The following TET1 variants were observed in gnomAD, a reference collection of about 807,000 sequenced individuals.
The protein encoded by TET1 is tet methylcytosine dioxygenase 1, also known as methylcytosine dioxygenase TET1.
A neutral mutation model predicts 148.7 loss-of-function variants in TET1; 13 were observed. The observed-to-expected ratio is 0.09, with a 90% CI of 0.06 to 0.14. The LOEUF (loss-of-function observed/expected upper bound fraction) is 0.14. TET1 is among the 10% of genes least tolerant of loss of function. The pLI is 1.00. For synonymous variants in TET1, 907 were observed against 937.2 expected (o/e 0.97, Z 0.59); for missense variants, 2,182 against 2,553.8 (o/e 0.85, Z 3.14).
chr10:68,681,103 A>G (rs2055429783), intron 8 of TET1, among the ~76,000 whole-genome samples: 1 of 152,268 alleles, frequency 6.6e-6, no homozygotes. Flanking sequence ...TATTGAATAA[A>G]TATAAAACAT....
chr10:68,639,445 TTACTACTAC>T (rs139770615), intron 3 of TET1, among the ~76,000 whole-genome samples: 255 of 132,104 alleles, frequency 1.9e-3, no homozygotes, highest in Middle Eastern at 7.6e-3. Context: ...ACTATTATTA[TTACTACTAC>T]TACTACTACT....
chr10:68,644,616 T>G, intron 3 of TET1, 82 bp from the exon 4 acceptor site: 1 of 1,356,958 alleles, frequency 7.4e-7, no homozygotes, highest in Non-Finnish European at 9.9e-7. Flanking sequence ...GCTTTACATT[T>G]AGTTGTTATT....
chr10:68,599,274 A>C (rs1301600805), intron 2 of TET1, among the ~76,000 whole-genome samples: 1 of 152,194 alleles, frequency 6.6e-6, no homozygotes, highest in African/African-American at 2.4e-5. Flanking sequence ...CCAATCCCCG[A>C]AATGTGCTGC....
At chr10:68,656,976 A>C (rs1407260986) in intron 6 of TET1, among the ~76,000 whole-genome samples, 3 of 150,892 alleles carry the variant, frequency 2.0e-5, no homozygotes, top group African/African-American at 7.4e-5. Context: ...CCGTCAGCCA[A>C]GATGGTGCCA....
chr10:68,679,238 A>G (rs1055895300), intron 8 of TET1, among the ~76,000 whole-genome samples: 7 of 152,174 alleles, frequency 4.6e-5, no homozygotes, highest in Non-Finnish European at 8.8e-5. Flanking sequence ...TGTACAAACT[A>G]TGAGTTGCTT....
chr10:68,659,530 G>T (rs1207265643), intron 6 of TET1, among the ~76,000 whole-genome samples: 1 of 152,048 alleles, frequency 6.6e-6, no homozygotes, highest in Non-Finnish European at 1.5e-5. Context: ...TGTTACCCAG[G>T]CTGGTCTCGA....
intron 3 of TET1, among the ~76,000 whole-genome samples, chr10:68,640,383 C>T (rs1048683650): frequency 6.6e-6 from 1 of 151,238 alleles, no homozygotes; most frequent in Non-Finnish European, 1.5e-5. Flanking sequence ...CCTGCCTCAG[C>T]CTTCCGAGTT....
At position 68,657,177 on chromosome 10, in the gene TET1, T is replaced by A. The variant is rs190455358; in HGVS notation, c.4461+4583T>A. Among the ~76,000 whole-genome samples, 1,356 of 151,720 alleles carry A rather than the reference T, an allele frequency of 8.9e-3. 17 individuals are homozygous for A. Among genetic ancestry groups the A allele is most frequent in the African/African-American group, 0.031 (1,278 of 41,368 alleles). ...ACATAGTGAGACTCTACAAAAAAAA[T>A]TTTTTTTCTTTTTTTTTGAGAGGGA... is the stretch of plus-strand genomic sequence containing the variant. On this transcript the variant is annotated intron_variant, in intron 6 of 11. Transcript: ENST00000373644.
At chr10:68,616,409 A>C (rs1451184419) in intron 3 of TET1, among the ~76,000 whole-genome samples, 2 of 152,198 alleles carry the variant, frequency 1.3e-5, no homozygotes, top group Non-Finnish European at 2.9e-5. Flanking sequence ...TGAGTTTGTG[A>C]TCTCTGCAGC....
intron 6 of TET1, among the ~76,000 whole-genome samples, chr10:68,656,797 G>A (rs535121061): frequency 5.3e-5 from 8 of 152,028 alleles, no homozygotes; most frequent in Non-Finnish European, 1.2e-4. Context: ...AGGTCGAGGC[G>A]GGTGGATCAC....
At chr10:68,622,992 T>C in intron 3 of TET1, among the ~76,000 whole-genome samples, 1 of 152,162 alleles carries the variant, frequency 6.6e-6, no homozygotes, top group East Asian at 1.9e-4. Flanking sequence ...AAAATCACAT[T>C]ATCTGGGTTA....
At chr10:68,639,956 C>T (rs2054718684) in intron 3 of TET1, among the ~76,000 whole-genome samples, 1 of 152,092 alleles carries the variant, frequency 6.6e-6, no homozygotes, top group South Asian at 2.1e-4. Flanking sequence ...AAGATGGAGG[C>T]TCGCCCTGTC....
chr10:68,631,433 C>CTTTT (rs546257824), intron 3 of TET1, among the ~76,000 whole-genome samples: 44 of 110,566 alleles, frequency 4.0e-4, no homozygotes, highest in African/African-American at 7.0e-4. Flanking sequence ...TTTCTTTCTT[C>CTTTT]TTTTTTTTTT....
At chr10:68,689,851 G>A (rs2055566612) in intron 11 of TET1, among the ~76,000 whole-genome samples, 1 of 151,998 alleles carries the variant, frequency 6.6e-6, no homozygotes, top group South Asian at 2.1e-4. Flanking sequence ...TGAGATTTAT[G>A]TGGATGTGTC....
At chr10:68,652,027 GA>G in intron 5 of TET1, 91 bp downstream of exon 5, 4 of 1,221,126 alleles carry the variant, frequency 3.3e-6, no homozygotes, top group African/African-American at 1.5e-5. Flanking sequence ...CGCCGTGATT[GA>G]AAAATGATCA....
intron 8 of TET1, among the ~76,000 whole-genome samples, chr10:68,677,894 A>T (rs2055382553): frequency 6.6e-6 from 1 of 152,232 alleles, no homozygotes; most frequent in South Asian, 2.1e-4. Flanking sequence ...TGCTGGGATT[A>T]CAGGCATGAG....
chr10:68,617,687 T>C (rs897298536), intron 3 of TET1, among the ~76,000 whole-genome samples: 6 of 151,884 alleles, frequency 4.0e-5, no homozygotes, highest in Admixed American at 1.3e-4. Flanking sequence ...CTGGGACTTA[T>C]AGGCATGCGC....
chr10:68,642,595 A>G (rs577388791), intron 3 of TET1, among the ~76,000 whole-genome samples: 9 of 152,134 alleles, frequency 5.9e-5, no homozygotes, highest in African/African-American at 2.2e-4. Context: ...AAACCACTGA[A>G]TTGTACACTT....
At chr10:68,606,273 A>G (rs1350839219) in intron 3 of TET1, among the ~76,000 whole-genome samples, 1 of 152,142 alleles carries the variant, frequency 6.6e-6, no homozygotes, top group Non-Finnish European at 1.5e-5. Flanking sequence ...AGGCTGAGGC[A>G]GGAGAATCGC....
Sources: gnomAD v4.1 joint callset for allele counts (sites outside exome capture counted in the v4.1 genomes callset) on GRCh38, gnomAD v4.1.1 for gene constraint, MANE v1.5 for transcripts, NCBI Gene and HGNC (gene_info 2026-07-23, HGNC 2026-07-21) for gene names.